The following MAGI2 variants were observed in gnomAD, a reference collection of about 807,000 sequenced individuals.
The protein encoded by MAGI2 is membrane associated guanylate kinase, WW and PDZ domain containing 2.
In MAGI2, 35 loss-of-function variants were observed where a neutral mutation model predicts 133.3. That is an observed-to-expected ratio of 0.26 (90% CI 0.20 to 0.35). The LOEUF (loss-of-function observed/expected upper bound fraction) is 0.35. MAGI2 is among the 10% of genes least tolerant of loss of function. MAGI2 has a pLI of 1.00. For missense variants in MAGI2, 1,636 were observed against 1,863.4 expected (o/e 0.88, Z 2.25); for synonymous variants, 729 against 710.6 (o/e 1.03, Z -0.41).
intron 1 of MAGI2, among the ~76,000 whole-genome samples, chr7:79,146,345 T>A (rs1203064417): frequency 6.6e-6 from 1 of 152,208 alleles, no homozygotes; most frequent in African/African-American, 2.4e-5. Context: ...GTTCATGTGT[T>A]GAAATTCAGC....
At chr7:78,199,971 GCA>G (rs1584364262) in intron 11 of MAGI2, among the ~76,000 whole-genome samples, 1 of 152,224 alleles carries the variant, frequency 6.6e-6, no homozygotes, top group Admixed American at 6.5e-5. Context: ...TAACCACAGA[GCA>G]CAGATTTAAG....
intron 2 of MAGI2, among the ~76,000 whole-genome samples, chr7:78,718,776 C>T (rs918990461): frequency 3.3e-5 from 5 of 152,100 alleles, no homozygotes; most frequent in East Asian, 1.9e-4. Flanking sequence ...CATCCCCGCA[C>T]CCCCAACCCC....
At chr7:78,045,749 T>C (rs574340595) in intron 21 of MAGI2, among the ~76,000 whole-genome samples, 166 of 152,298 alleles carry the variant, frequency 1.1e-3, no homozygotes, top group African/African-American at 3.6e-3. Context: ...TTATGTACAG[T>C]TCTCTTAGTA....
At chr7:78,891,892 G>A (rs145267419) in intron 2 of MAGI2, among the ~76,000 whole-genome samples, 5,056 of 152,192 alleles carry the variant, frequency 0.033, 247 homozygotes, top group East Asian at 0.22. Flanking sequence ...AATCAGGCAG[G>A]AGAAAGAAAT....
intron 13 of MAGI2, among the ~76,000 whole-genome samples, chr7:78,183,230 G>A (rs1034761354): frequency 4.6e-5 from 7 of 151,734 alleles, no homozygotes; most frequent in African/African-American, 1.7e-4. Context: ...AAAAAACATG[G>A]GGCATCTACT....
chr7:78,194,968 C>T lies in MAGI2; in HGVS notation c.2175G>A (p.Arg725=). 6.2e-7 allele frequency: 1 copy of T among 1,614,078 alleles called. No homozygotes were observed. The change falls in exon 12 of 22, where the codon AGG becomes AGA. Residue 725 remains arginine (R), a synonymous_variant. Coordinates refer to ENST00000354212, the MANE Select transcript of MAGI2 (RefSeq NM_012301.4). ...QNLPFPPALH[R]SSFPDSTEAF... ...CCTCTGTTGAGTCAGGAAAGGAGCTCCTGTGAAGGGCAGGTGGGAAGGGCA... is the reference window on the plus strand; with the variant it reads ...CCTCTGTTGAGTCAGGAAAGGAGCTTCTGTGAAGGGCAGGTGGGAAGGGCA...
At chr7:79,288,486 T>C (rs1836204914) in intron 1 of MAGI2, among the ~76,000 whole-genome samples, 1 of 152,194 alleles carries the variant, frequency 6.6e-6, no homozygotes, top group African/African-American at 2.4e-5. Context: ...AAGAAATGCA[T>C]TTAATTTTAA....
chr7:78,387,841 G>A (rs764254268), intron 6 of MAGI2, among the ~76,000 whole-genome samples: 2 of 152,010 alleles, frequency 1.3e-5, no homozygotes, highest in Admixed American at 6.6e-5. Context: ...TGGGAGGAGC[G>A]CTTAAGCCCA....
chr7:79,108,509 C>T (rs1818631179), intron 1 of MAGI2, among the ~76,000 whole-genome samples: 1 of 152,114 alleles, frequency 6.6e-6, no homozygotes, highest in Non-Finnish European at 1.5e-5. Context: ...ATAGTTTTGC[C>T]AGTTTGATTT....
At chr7:78,431,905 T>C (rs1407574498) in intron 6 of MAGI2, among the ~76,000 whole-genome samples, 6 of 152,080 alleles carry the variant, frequency 3.9e-5, no homozygotes, top group African/African-American at 1.4e-4. Flanking sequence ...AATAGAGTTT[T>C]GGCATCATGT....
chr7:79,420,900 T>G (rs1846907866), intron 1 of MAGI2, among the ~76,000 whole-genome samples: 1 of 152,008 alleles, frequency 6.6e-6, no homozygotes, highest in African/African-American at 2.4e-5. Context: ...CTGTGAAAAC[T>G]CAATGCCATG....
intron 2 of MAGI2, among the ~76,000 whole-genome samples, chr7:78,703,114 G>A (rs774194903): frequency 3.9e-5 from 6 of 151,934 alleles, no homozygotes; most frequent in Non-Finnish European, 8.8e-5. Flanking sequence ...TGACATCATA[G>A]AAGTCAGTAC....
At chr7:78,137,484 A>C (rs1419924428) in intron 16 of MAGI2, among the ~76,000 whole-genome samples, 2 of 152,168 alleles carry the variant, frequency 1.3e-5, no homozygotes, top group African/African-American at 4.8e-5. Context: ...TGATATCACT[A>C]TTAAGGGGTA....
chr7:78,578,463 A>G (rs2150800268), intron 3 of MAGI2, among the ~76,000 whole-genome samples: 1 of 152,262 alleles, frequency 6.6e-6, no homozygotes, highest in Middle Eastern at 3.4e-3. Flanking sequence ...AAGAGAATAA[A>G]TGGAAAAAAC....
chr7:78,248,589 C>G (rs914164934), intron 10 of MAGI2, among the ~76,000 whole-genome samples: 20 of 151,978 alleles, frequency 1.3e-4, no homozygotes, highest in African/African-American at 4.3e-4. Context: ...ATATTCCAGG[C>G]AAACAGTAAA....
intron 2 of MAGI2, among the ~76,000 whole-genome samples, chr7:78,798,387 C>G (rs1261106335): frequency 6.6e-6 from 1 of 152,016 alleles, no homozygotes; most frequent in African/African-American, 2.4e-5. Context: ...TTGGCAACCA[C>G]AAAATTAAGC....
intron 2 of MAGI2, among the ~76,000 whole-genome samples, chr7:78,948,354 A>G (rs1485343447): frequency 6.6e-6 from 1 of 151,706 alleles, no homozygotes; most frequent in Non-Finnish European, 1.5e-5. Flanking sequence ...TTAGCAGCAT[A>G]TGATTAGAGA....
intron 1 of MAGI2, among the ~76,000 whole-genome samples, chr7:79,325,618 A>G (rs982470702): frequency 2.6e-5 from 4 of 152,160 alleles, no homozygotes; most frequent in African/African-American, 9.6e-5. Context: ...ATTTATTACA[A>G]TGTGAAAAGT....
chr7:78,734,006 GCATAATCGTAAA>G (rs1821611290), intron 2 of MAGI2, among the ~76,000 whole-genome samples: 1 of 152,132 alleles, frequency 6.6e-6, no homozygotes, highest in South Asian at 2.1e-4. Context: ...AATGTAAAAT[GCATAATCGTAAA>G]CATAACAACT....
Sources: allele counts gnomAD v4.1 joint callset (sites outside exome capture counted in the v4.1 genomes callset), GRCh38; gene constraint gnomAD v4.1.1; transcripts MANE v1.5; gene names NCBI Gene and HGNC (gene_info 2026-07-23, HGNC 2026-07-21).